JAK2: variants seen among roughly 807,000 people sequenced by gnomAD.
JAK2 encodes the protein tyrosine-protein kinase JAK2.
In JAK2, 86 loss-of-function variants were observed where a neutral mutation model predicts 139.3. The observed-to-expected ratio is 0.62, with a 90% confidence interval of 0.52 to 0.74. The LOEUF (loss-of-function observed/expected upper bound fraction) is 0.74, where lower values mean the gene tolerates loss of function less well. Ranked by LOEUF, JAK2 falls within the 30% of genes least tolerant of loss-of-function variation. JAK2 has a pLI of 0.00. For synonymous variants in JAK2, 490 were observed against 437.7 expected, an observed-to-expected ratio of 1.12 and a Z score of -1.49; for missense variants, 1,421 against 1,360.3, an observed-to-expected ratio of 1.04 and a Z score of -0.70.
chr9:5,092,511 T>C (rs1414071984), intron 22 of JAK2, among the ~76,000 whole-genome samples: 6 of 152,042 alleles, frequency 3.9e-5, no homozygotes, highest in Non-Finnish European at 7.3e-5. Flanking sequence ...AAAAATACTA[T>C]TAAACCATCG....
chr9:5,126,213 G>T (rs1823983871), intron 23 of JAK2, 120 bp from the exon 24 acceptor site: 2 of 628,150 alleles, frequency 3.2e-6, no homozygotes, highest in African/African-American at 3.8e-5. Context: ...TTTTGAAAAG[G>T]TTTGAAAACA....
At chr9:5,030,840 T>G (rs1172870147) in intron 4 of JAK2, among the ~76,000 whole-genome samples, 1 of 152,098 alleles carries the variant, frequency 6.6e-6, no homozygotes, top group Non-Finnish European at 1.5e-5. Context: ...TAATTTGCAC[T>G]GAGTTCAAAA....
intron 14 of JAK2, among the ~76,000 whole-genome samples, chr9:5,074,134 G>T (rs1044976721): frequency 6.6e-6 from 1 of 151,980 alleles, no homozygotes; most frequent in African/African-American, 2.4e-5. Flanking sequence ...GAATTATGAA[G>T]ACAAAGCATA....
intron 14 of JAK2, among the ~76,000 whole-genome samples, chr9:5,074,925 T>C (rs2087575378): frequency 6.6e-6 from 1 of 152,130 alleles, no homozygotes; most frequent in Admixed American, 6.6e-5. Flanking sequence ...AAAGGAAAAG[T>C]CCTTGAAGGA....
At chr9:5,066,135 T>C (rs1818552834) in intron 9 of JAK2, among the ~76,000 whole-genome samples, 1 of 152,152 alleles carries the variant, frequency 6.6e-6, no homozygotes, top group East Asian at 1.9e-4. Context: ...TTCTTTTGTA[T>C]AGATTATATT....
chr9:5,032,220 G>T (rs553098000), intron 4 of JAK2, among the ~76,000 whole-genome samples: 3 of 152,240 alleles, frequency 2.0e-5, no homozygotes, highest in Non-Finnish European at 4.4e-5. Context: ...CGCCATTGCC[G>T]AGGGTTGAGT....
chr9:5,082,339 C>T (rs947366326), intron 19 of JAK2, among the ~76,000 whole-genome samples: 1 of 152,226 alleles, frequency 6.6e-6, no homozygotes, highest in Non-Finnish European at 1.5e-5. Flanking sequence ...AGGGAAGGTA[C>T]TATGCCTGGA....
intron 4 of JAK2, chr9:5,041,645 C>G (rs1816530447): frequency 2.0e-6 from 1 of 505,704 alleles, no homozygotes; most frequent in African/African-American, 2.0e-5. Context: ...AGAAGCTCGA[C>G]TACGACTACC....
At chr9:5,046,350 C>T (rs550911821) in intron 5 of JAK2, among the ~76,000 whole-genome samples, 11 of 152,222 alleles carry the variant, frequency 7.2e-5, no homozygotes, top group African/African-American at 2.4e-4. Context: ...TTTTCCCATT[C>T]TCTAGGTTGC....
chr9:5,074,627 C>T (rs970464702), intron 14 of JAK2, among the ~76,000 whole-genome samples: 1 of 152,182 alleles, frequency 6.6e-6, no homozygotes, highest in Admixed American at 6.5e-5. Flanking sequence ...CTGTCTCTCT[C>T]CCTCTCCTGG....
At chr9:5,107,517 A>C (rs1282181098) in intron 22 of JAK2, among the ~76,000 whole-genome samples, 4 of 152,164 alleles carry the variant, frequency 2.6e-5, no homozygotes, top group Non-Finnish European at 4.4e-5. Flanking sequence ...TTATCATTTT[A>C]ATCCTAGGCT....
At chr9:5,061,981 A>C (rs923719708) in intron 8 of JAK2, among the ~76,000 whole-genome samples, 9 of 152,266 alleles carry the variant, frequency 5.9e-5, no homozygotes, top group Non-Finnish European at 1.3e-4. Flanking sequence ...AAAGAAAGGG[A>C]AATAGCTATT....
At chr9:5,123,144 T>C (rs1823742120) in intron 23 of JAK2, 23 bp downstream of exon 23, 1 of 1,479,242 alleles carries the variant, frequency 6.8e-7, no homozygotes, top group Non-Finnish European at 9.3e-7. Context: ...TTTATTTACT[T>C]TCAGTTTTTT....
At chr9:5,082,469 A>G (rs902867847) in intron 19 of JAK2, among the ~76,000 whole-genome samples, 1 of 152,268 alleles carries the variant, frequency 6.6e-6, no homozygotes, top group Non-Finnish European at 1.5e-5. Context: ...TTTTTCTCCT[A>G]TCTCAGAAAT....
At chr9:5,111,746 G>A (rs1161194403) in intron 22 of JAK2, 7 of 425,516 alleles carry the variant, frequency 1.6e-5, no homozygotes, top group South Asian at 7.0e-5. Context: ...CCGGCTGCAC[G>A]GAGGAGAAGT....
intron 4 of JAK2, among the ~76,000 whole-genome samples, chr9:5,043,012 G>C (rs935142126): frequency 6.6e-6 from 1 of 152,210 alleles, no homozygotes; most frequent in Non-Finnish European, 1.5e-5. Context: ...GGCGTCGCGC[G>C]GCTCGGCCCC....
chr9:5,006,720 C>T (rs1422914378), intron 2 of JAK2, among the ~76,000 whole-genome samples: 5 of 152,286 alleles, frequency 3.3e-5, no homozygotes, highest in East Asian at 1.9e-4. Context: ...ACTAGCAAAG[C>T]GTAAATCCAT....
chr9:5,080,414 ATC>A (rs1563983492), intron 17 of JAK2, 34 bp downstream of exon 17: 1 of 1,560,214 alleles, frequency 6.4e-7, no homozygotes, highest in Non-Finnish European at 8.7e-7. Context: ...GAATTACTCT[ATC>A]TCTGAACTTT....
chr9:5,123,010 T>G lies in JAK2; in HGVS notation c.3066T>G (p.Ala1022=). The G allele has an allele frequency of 1.2e-6, 2 of 1,607,560 alleles. No individual in the cohort carries two copies. Among genetic ancestry groups the G allele is most frequent in the Non-Finnish European group, 1.7e-6 (2 of 1,175,270 alleles). ...EPGESPIFWY[A]PESLTESKFS... The stretch of plus-strand genomic sequence containing the variant: ...GTTATTCATATATTTACAGGTATGC[T>G]CCAGAATCACTGACAGAGAGCAAGT... The change falls in exon 23 of 25, where the codon GCT becomes GCG. Residue 1022 remains alanine (A), a synonymous_variant. Transcript: ENST00000381652.
Sources: gnomAD v4.1 joint callset for allele counts (sites outside exome capture counted in the v4.1 genomes callset) on GRCh38, gnomAD v4.1.1 for gene constraint, MANE v1.5 for transcripts, NCBI Gene and HGNC (gene_info 2026-07-23, HGNC 2026-07-21) for gene names.